The following SLC25A48 variants were observed in gnomAD, a reference collection of about 807,000 sequenced individuals.
The protein encoded by SLC25A48 is CTC-321K16.1.
SLC25A48 carries 29 observed loss-of-function variants against 32.2 expected under a neutral mutation model. The observed-to-expected ratio is 0.90, with a 90% CI of 0.67 to 1.23. The LOEUF (loss-of-function observed/expected upper bound fraction) is 1.23. SLC25A48 is among the 50% of genes most tolerant of loss of function. The pLI, the probability that SLC25A48 is intolerant of heterozygous loss-of-function variation, is 0.00. For missense variants in SLC25A48, 399 were observed against 422.7 expected, an observed-to-expected ratio of 0.94 and a Z score of 0.49; for synonymous variants, 164 against 172.3, an observed-to-expected ratio of 0.95 and a Z score of 0.38.
At chr5:135,659,422 T>C (rs180805742) in intron 3 of SLC25A48, among the ~76,000 whole-genome samples, 2 of 152,346 alleles carry the variant, frequency 1.3e-5, no homozygotes, top group East Asian at 3.9e-4. Context: ...TCTTTGTCCA[T>C]ATCACCATCA....
At chr5:135,617,795 G>A (rs1439331406) in intron 1 of SLC25A48, among the ~76,000 whole-genome samples, 1 of 151,450 alleles carries the variant, frequency 6.6e-6, no homozygotes, top group Non-Finnish European at 1.5e-5. Flanking sequence ...TTTCCACTGT[G>A]GTCTGAAAAG....
At chr5:135,788,261 A>G (rs941707955) in intron 3 of SLC25A48, among the ~76,000 whole-genome samples, 1 of 149,104 alleles carries the variant, frequency 6.7e-6, no homozygotes, top group Non-Finnish European at 1.5e-5. Flanking sequence ...GGGTGATATT[A>G]TTCACTATGG....
chr5:135,813,831 C>T (rs1757648069), intron 4 of SLC25A48, among the ~76,000 whole-genome samples: 1 of 152,148 alleles, frequency 6.6e-6, no homozygotes, highest in Non-Finnish European at 1.5e-5. Flanking sequence ...GGGTGCTGCG[C>T]TGAGTGCAGG....
At chr5:135,633,330 C>T (rs964089675) in intron 2 of SLC25A48, among the ~76,000 whole-genome samples, 2 of 151,982 alleles carry the variant, frequency 1.3e-5, no homozygotes, top group Admixed American at 1.3e-4. Context: ...AAGCTCTAAT[C>T]CCAAATGTAA....
intron 3 of SLC25A48, among the ~76,000 whole-genome samples, chr5:135,710,882 A>AT (rs5871577): frequency 0.98 from 149,465 of 152,218 alleles, 73,389 homozygotes; most frequent in East Asian, 1. Context: ...TCCTCGAAGT[A>AT]TTTTTTTCTG....
At chr5:135,703,692 G>C (rs934874669) in intron 3 of SLC25A48, among the ~76,000 whole-genome samples, 1 of 152,130 alleles carries the variant, frequency 6.6e-6, no homozygotes, top group African/African-American at 2.4e-5. Flanking sequence ...CTCCTTTGAG[G>C]CACTGACTGA....
chr5:135,697,065 CTAACCTA>C (rs548395514), intron 3 of SLC25A48, among the ~76,000 whole-genome samples: 34 of 152,266 alleles, frequency 2.2e-4, no homozygotes, highest in African/African-American at 7.9e-4. Flanking sequence ...AGCATGTACT[CTAACCTA>C]TAATTATGGT....
chr5:135,723,056 T>A (rs1754998902), intron 3 of SLC25A48, among the ~76,000 whole-genome samples: 1 of 152,200 alleles, frequency 6.6e-6, no homozygotes, highest in Admixed American at 6.5e-5. Flanking sequence ...CCCGCATGGC[T>A]AGGTATCTTC....
chr5:135,876,557 C>A (rs1762073281), intron 6 of SLC25A48, among the ~76,000 whole-genome samples: 1 of 152,026 alleles, frequency 6.6e-6, no homozygotes, highest in Non-Finnish European at 1.5e-5. Context: ...AATGTATGAA[C>A]ATAGGAAGCT....
intron 6 of SLC25A48, 55 bp downstream of exon 6, chr5:135,874,209 A>T (rs891731491): frequency 2.1e-6 from 3 of 1,396,560 alleles, no homozygotes; most frequent in Non-Finnish European, 2.8e-6. Context: ...GGTGGTTCAC[A>T]CATTTAGGGG....
intron 4 of SLC25A48, among the ~76,000 whole-genome samples, chr5:135,828,439 G>A (rs554544986): frequency 6.6e-6 from 1 of 152,354 alleles, no homozygotes; most frequent in South Asian, 2.1e-4. Flanking sequence ...TACAGAGGAG[G>A]ATGTCCAGGT....
chr5:135,630,615 TTTTTTTG>T (rs1752536254), intron 2 of SLC25A48, among the ~76,000 whole-genome samples: 1 of 120,282 alleles, frequency 8.3e-6, no homozygotes, highest in South Asian at 3.0e-4. Flanking sequence ...TTTTTTTTTT[TTTTTTTG>T]AGAGAGTCAT....
In SLC25A48 at chr5:135,852,965, C is replaced by A. The variant is rs879180166; in HGVS notation, c.421+144C>A. The A allele has an allele frequency of 5.2e-6, 6 of 1,153,276 alleles. No homozygotes were observed. In the South Asian group the frequency reaches 6.6e-5, roughly 13 times the overall value. The allele number at this position is 1,153,276 out of a possible 1,614,324, so 71.4% of individuals were successfully genotyped here. Reference sequence around the variant, plus strand: ...TAGTAGTCCGTAATTACAGGCATACCTCGGAGACATGGGTTTGGTTCCAGA... The same window carrying A: ...TAGTAGTCCGTAATTACAGGCATACATCGGAGACATGGGTTTGGTTCCAGA... On this transcript the variant is annotated intron_variant, in intron 4 of 7. Coordinates refer to ENST00000681962, the MANE Select transcript of SLC25A48 (RefSeq NM_001349336.2).
upstream of SLC25A48, among the ~76,000 whole-genome samples, chr5:135,833,134 G>A (rs1274539650): frequency 6.6e-6 from 1 of 152,226 alleles, no homozygotes; most frequent in African/African-American, 2.4e-5. Context: ...ACTTCCCTGG[G>A]TGATGCGCCC....
intron 3 of SLC25A48, among the ~76,000 whole-genome samples, chr5:135,683,767 T>C (rs919245789): frequency 3.3e-5 from 5 of 152,174 alleles, no homozygotes; most frequent in African/African-American, 1.2e-4. Flanking sequence ...ACTGAGCACT[T>C]GAGGTTCCCG....
intron 3 of SLC25A48, among the ~76,000 whole-genome samples, chr5:135,713,317 G>A (rs1251568437): frequency 2.0e-5 from 3 of 152,200 alleles, no homozygotes; most frequent in Non-Finnish European, 2.9e-5. Context: ...TGTTAATGAT[G>A]CTAGTAGTTT....
chr5:135,738,067 T>A (rs1200463860), intron 3 of SLC25A48, among the ~76,000 whole-genome samples: 2 of 152,172 alleles, frequency 1.3e-5, no homozygotes, highest in African/African-American at 4.8e-5. Context: ...TGATAGAGAC[T>A]TTCCTCGATA....
chr5:135,849,681 C>G (rs1202570151), intron 2 of SLC25A48, among the ~76,000 whole-genome samples: 1 of 152,204 alleles, frequency 6.6e-6, no homozygotes, highest in Admixed American at 6.5e-5. Context: ...GCCACTGCGA[C>G]ATTTCGACTC....
At chr5:135,860,330 G>A (rs1760678909) in intron 4 of SLC25A48, among the ~76,000 whole-genome samples, 2 of 152,120 alleles carry the variant, frequency 1.3e-5, no homozygotes, top group African/African-American at 4.8e-5. Flanking sequence ...TTGAAACCTG[G>A]ACACAGAACA....
Sources: allele counts gnomAD v4.1 joint callset (sites outside exome capture counted in the v4.1 genomes callset), GRCh38; gene constraint gnomAD v4.1.1; transcripts MANE v1.5; gene names NCBI Gene and HGNC (gene_info 2026-07-23, HGNC 2026-07-21).